Variants in MYBPC2 observed in about 807,000 individuals in gnomAD.
MYBPC2 encodes the protein myosin binding protein C2, also known as myosin-binding protein C, fast-type.
MYBPC2 carries 122 observed loss-of-function variants against 137.0 expected under a neutral mutation model. The observed-to-expected ratio is 0.89, with a 90% CI of 0.77 to 1.03. The LOEUF (loss-of-function observed/expected upper bound fraction) is 1.03, where lower values mean the gene tolerates loss of function less well. MYBPC2 is among the 50% of genes least tolerant of loss of function. The pLI, the probability that MYBPC2 is intolerant of heterozygous loss-of-function variation, is 0.00. For missense variants in MYBPC2, 1,500 were observed against 1,534.4 expected, an observed-to-expected ratio of 0.98 and a Z score of 0.37; for synonymous variants, 626 against 612.3, an observed-to-expected ratio of 1.02 and a Z score of -0.33.
At position 50,466,273 on chromosome 19, in the gene MYBPC2, C is replaced by T; in HGVS notation, c.*68C>T. The T allele has an allele frequency of 4.4e-6, 7 of 1,605,850 alleles. No homozygotes were observed. In the South Asian group the frequency reaches 5.5e-5, roughly 13 times the overall value. ...GACCCCAATCCCCAACCTCCCAGGA[C>T]TGTGTTCTTTCTGGAGTTTTCGCTG... On this transcript the variant is annotated 3_prime_UTR_variant, in exon 28 of 28. Transcript: ENST00000357701. This position sits in a 1 kb window ranked among gnomAD's most constrained non-coding sequence, Gnocchi z 4.9.
In MYBPC2 at chr19:50,435,971, T is replaced by C; in HGVS notation, c.197-41T>C. On this transcript the variant is annotated intron_variant, in intron 3 of 27. Coordinates refer to ENST00000357701, the MANE Select transcript of MYBPC2 (RefSeq NM_004533.4). This position sits in a 1 kb window ranked among gnomAD's most constrained non-coding sequence, Gnocchi z 4.8. Reference sequence around the variant, plus strand: ...CTCTGGAGAGCCTTATGTTCCTTCCTGGGCCTCCTCCCACTCTACCCTGTC... The same window carrying C: ...CTCTGGAGAGCCTTATGTTCCTTCCCGGGCCTCCTCCCACTCTACCCTGTC... 6.4e-7 allele frequency: 1 copy of C among 1,557,134 alleles called. No individual in the cohort carries two copies. The highest frequency in any genetic ancestry group is 1.9e-5 in the Admixed American group (1 of 51,636).
At position 50,445,877 on chromosome 19, in the gene MYBPC2, T is replaced by G. The variant is rs1369405904; in HGVS notation, c.1134-3T>G. ...CATCCCGTTCTGTGTCTCACCCACC[T>G]AGGATGAAAGATGGTGTGGAACTGA... On this transcript the variant is annotated splice_polypyrimidine_tract_variant and splice_region_variant and intron_variant, in intron 11 of 27. Coordinates refer to ENST00000357701, the MANE Select transcript of MYBPC2 (RefSeq NM_004533.4). The G allele has an allele frequency of 3.1e-6, 5 of 1,602,388 alleles. No individual in the cohort carries two copies. The highest frequency in any genetic ancestry group is 4.3e-6 in the Non-Finnish European group (5 of 1,174,594).
chr19:50,450,875 G>T lies in MYBPC2; in HGVS notation c.1519G>T (p.Asp507Tyr). 6.3e-7 allele frequency: 1 copy of T among 1,580,934 alleles called. No homozygotes were observed. ...IDDVRPEDEG[D>Y]YTFVPDGYAL... ...TGACGTCCGCCCCGAGGATGAGGGA[G>T]ACTACACGTTTGTGCCTGACGGCTA... Residue 507 changes from aspartate to tyrosine, a missense_variant, in exon 14 of 28, where the codon GAC becomes TAC. Asp to Tyr is a radical substitution (Grantham distance 160). Coordinates refer to ENST00000357701, the MANE Select transcript of MYBPC2 (RefSeq NM_004533.4).
intron 11 of MYBPC2, 48 bp downstream of exon 11, chr19:50,443,864 T>C: frequency 6.4e-7 from 1 of 1,553,990 alleles, no homozygotes; most frequent in East Asian, 2.3e-5. Context: ...ACATAGTTTC[T>C]TTGCCTCTGC....
chr19:50,454,486 C>T, intron 18 of MYBPC2, 117 bp downstream of exon 18: 1 of 904,112 alleles, frequency 1.1e-6, no homozygotes, highest in Non-Finnish European at 1.6e-6. Flanking sequence ...AGTGCAGTGG[C>T]TCAATCTCGG....
At chr19:50,457,194 G>A (rs2039921618) in intron 20 of MYBPC2, among the ~76,000 whole-genome samples, 2 of 152,148 alleles carry the variant, frequency 1.3e-5, no homozygotes, top group East Asian at 1.9e-4. Context: ...AGGAGGGATG[G>A]TTGAACCCTC....
intron 9 of MYBPC2, among the ~76,000 whole-genome samples, chr19:50,442,963 G>T (rs2039769965): frequency 6.6e-6 from 1 of 151,236 alleles, no homozygotes; most frequent in African/African-American, 2.4e-5. Flanking sequence ...ATTTTTGGTA[G>T]AGATGGGGTT....
intron 25 of MYBPC2, 91 bp from the exon 26 acceptor site, chr19:50,461,809 C>A: frequency 6.3e-7 from 1 of 1,581,932 alleles, no homozygotes; most frequent in South Asian, 1.1e-5. Flanking sequence ...GGCACCTAGT[C>A]ATGGGAGAGA....
intron 18 of MYBPC2, 53 bp from the exon 19 acceptor site, chr19:50,455,055 T>G: frequency 1.3e-6 from 2 of 1,521,310 alleles, no homozygotes; most frequent in South Asian, 1.2e-5. Context: ...CCCAGCTGAC[T>G]CATGCCCCAT....
chr19:50,458,592 G>A lies in MYBPC2; in HGVS notation c.2344G>A (p.Glu782Lys), dbSNP rs1207197710. ...LVEYCLEGSE[E>K]WVPANTEPVE... The stretch of plus-strand genomic sequence containing the variant: ...AGCAGGGCCTCTCTCTCCAGCCGAG[G>A]AATGGGTCCCTGCCAACACCGAGCC... Residue 782 changes from glutamate (E) to lysine (K), a missense_variant, in exon 21 of 28, where the codon GAA becomes AAA. Glu to Lys is a moderately conservative substitution (Grantham distance 56). Coordinates refer to ENST00000357701, the MANE Select transcript of MYBPC2 (RefSeq NM_004533.4). 1 of 1,611,742 alleles carries A rather than the reference G, an allele frequency of 6.2e-7. No individual in the cohort carries two copies. Among genetic ancestry groups the A allele is most frequent in the Non-Finnish European group, 8.5e-7 (1 of 1,179,876 alleles).
Position 50,459,245 on chromosome 19 carries a change from C to CGAGCT in MYBPC2, c.2735_2739dup (p.Val914Ter). The CGAGCT allele has an allele frequency of 6.2e-7, 1 of 1,611,302 alleles. No individual in the cohort carries two copies. Among genetic ancestry groups the CGAGCT allele is most frequent in the East Asian group, 2.2e-5 (1 of 44,710 alleles). ...CGGCCCGCTCCGACTCCGGGGAGTACGAGCTGAGCGTGCAGATCGAGAACA... is the reference window on the plus strand; with the variant it reads ...CGGCCCGCTCCGACTCCGGGGAGTACGAGCTGAGCTGAGCGTGCAGATCGAGAACA... On this transcript the variant is annotated frameshift_variant, in exon 23 of 28. Coordinates refer to ENST00000357701, the MANE Select transcript of MYBPC2 (RefSeq NM_004533.4). LOFTEE classifies it high-confidence loss of function.
At chr19:50,434,413 TG>T (rs1012680760) in intron 1 of MYBPC2, among the ~76,000 whole-genome samples, 1 of 152,056 alleles carries the variant, frequency 6.6e-6, no homozygotes, top group Non-Finnish European at 1.5e-5. Flanking sequence ...CTGTAGGATA[TG>T]GGGTGATTGT....
At chr19:50,444,452 C>T (rs149740336) in intron 11 of MYBPC2, among the ~76,000 whole-genome samples, 1 of 152,342 alleles carries the variant, frequency 6.6e-6, no homozygotes, top group African/African-American at 2.4e-5. Context: ...CTCACTCACT[C>T]ACCTGCATAC....
In MYBPC2 at chr19:50,436,640, T is replaced by C. The variant is rs1301733913; in HGVS notation, c.369T>C (p.Ile123=). 23 of 1,613,834 alleles carry C rather than the reference T, an allele frequency of 1.4e-5. No individual in the cohort carries two copies. Among genetic ancestry groups the C allele is most frequent in the Non-Finnish European group, 1.7e-5 (20 of 1,179,804 alleles). The stretch of plus-strand genomic sequence containing the variant: ...AGGTGTACACCGTGGAGCTGCACAT[T>C]GGGAAGGTGGTACTGGGGGACCGTG... ...ASNVYTVELH[I]GKVVLGDRGY... Residue 123 remains isoleucine, a synonymous_variant, in exon 5 of 28, where the codon ATT becomes ATC. Transcript: ENST00000357701.
chr19:50,449,015 C>A (rs1242755761), intron 13 of MYBPC2, among the ~76,000 whole-genome samples: 3 of 151,900 alleles, frequency 2.0e-5, no homozygotes, highest in Non-Finnish European at 4.4e-5. Flanking sequence ...CAGGTGTGAA[C>A]CACCGCACCT....
intron 6 of MYBPC2, 61 bp downstream of exon 6, chr19:50,437,582 G>A (rs2039715490): frequency 3.1e-6 from 5 of 1,593,314 alleles, no homozygotes; most frequent in Non-Finnish European, 3.4e-6. Flanking sequence ...CCCTTGGAAG[G>A]GGAAAAAGGG....
intron 25 of MYBPC2, 36 bp downstream of exon 25, chr19:50,461,737 C>G (rs749875368): frequency 6.2e-7 from 1 of 1,611,128 alleles, no homozygotes; most frequent in East Asian, 2.2e-5. Flanking sequence ...AGGCCCACCC[C>G]GTCCACCCTC....
chr19:50,457,667 G>T (rs961490475), intron 20 of MYBPC2, among the ~76,000 whole-genome samples: 1 of 149,358 alleles, frequency 6.7e-6, no homozygotes, highest in African/African-American at 2.5e-5. Context: ...ATGAGCCATG[G>T]TACCTGGGGA....
chr19:50,445,809 C>T (rs1388028726), intron 11 of MYBPC2, 71 bp from the exon 12 acceptor site: 1 of 1,465,992 alleles, frequency 6.8e-7, no homozygotes, highest in Non-Finnish European at 9.2e-7. Flanking sequence ...GGGCCCCCGA[C>T]TGACTCTCCA....
Sources: allele counts gnomAD v4.1 joint callset (sites outside exome capture counted in the v4.1 genomes callset), GRCh38; gene constraint gnomAD v4.1.1; non-coding constraint Gnocchi (gnomAD v3.1); transcripts MANE v1.5; gene names NCBI Gene and HGNC (gene_info 2026-07-23, HGNC 2026-07-21).